Variants in PTPN20 observed in about 807,000 individuals in gnomAD.
PTPN20 encodes the protein protein tyrosine phosphatase non-receptor type 20, also known as tyrosine-protein phosphatase non-receptor type 20.
Under a neutral mutation model 35.0 loss-of-function variants are expected in PTPN20, and 9 were observed. The observed-to-expected ratio is 0.26, with a 90% CI of 0.15 to 0.45. The LOEUF (loss-of-function observed/expected upper bound fraction) is 0.45. PTPN20 is among the 20% of genes least tolerant of loss of function. The probability of loss-of-function intolerance (pLI) is 1.00; values close to 1 mark genes in which losing one functional copy is unlikely to be tolerated. For missense variants in PTPN20, 111 were observed against 312.5 expected (o/e 0.36, Z 4.86); for synonymous variants, 32 against 100.2 (o/e 0.32, Z 4.06).
Position 47,001,100 on chromosome 10 carries a change from T to G in PTPN20, c.*359T>G. 1 of 293,716 alleles carries G rather than the reference T, an allele frequency of 3.4e-6. No homozygotes were observed. The highest frequency in any genetic ancestry group is 6.4e-6 in the Non-Finnish European group (1 of 155,328). The allele number at this position is 293,716 out of a possible 1,614,324, so 18.2% of individuals were successfully genotyped here. ...ATTTGGAAAGGTGGCTGGAGAGAGCTGAGGATTTCCAGGACTTTGTAAGTT... is the reference window on the plus strand; with the variant it reads ...ATTTGGAAAGGTGGCTGGAGAGAGCGGAGGATTTCCAGGACTTTGTAAGTT... On this transcript the variant is annotated 3_prime_UTR_variant, in exon 11 of 11. Transcript: ENST00000374339.
At chr10:46,993,036 C>G (rs1417282432) in intron 9 of PTPN20, among the ~76,000 whole-genome samples, 4 of 152,176 alleles carry the variant, frequency 2.6e-5, no homozygotes, top group Admixed American at 1.3e-4. Context: ...GATTCTGGCA[C>G]TGGATTTCAC....
chr10:46,931,538 GGT>G lies in PTPN20; in HGVS notation c.-123-833_-123-832del, dbSNP rs1555118911. ...AGCTTTTCAAGTAGCTGGGACCACAGGTGTGTGCCACCACACCCGTCTAATTT... is the reference window on the plus strand; with the variant it reads ...AGCTTTTCAAGTAGCTGGGACCACAGGTGTGCCACCACACCCGTCTAATTT... On this transcript the variant is annotated intron_variant, in intron 1 of 10. Coordinates refer to ENST00000374339, the MANE Select transcript of PTPN20 (RefSeq NM_001042357.5). Among the ~76,000 whole-genome samples the G allele has an allele frequency of 1.8e-4, 25 of 141,626 alleles. 2 individuals are homozygous for G. The highest frequency in any genetic ancestry group is 3.3e-4 in the Non-Finnish European group (22 of 66,982). The allele number at this position is 141,626 out of a possible 152,430, so 92.9% of individuals were successfully genotyped here. A position where few individuals can be genotyped will look rare whatever the true frequency, so the allele number is the denominator to read the frequency against.
chr10:46,945,418 A>T (rs1178188903), intron 4 of PTPN20, among the ~76,000 whole-genome samples: 13 of 152,146 alleles, frequency 8.5e-5, no homozygotes, highest in Non-Finnish European at 1.6e-4. Context: ...AAGAGTAAGA[A>T]ACCCGAATTT....
At chr10:46,953,335 T>TTTTCTTTC (rs201614690) in intron 5 of PTPN20, among the ~76,000 whole-genome samples, 13,445 of 113,010 alleles carry the variant, frequency 0.12, 560 homozygotes, top group East Asian at 0.21. Context: ...CTTTCATTTC[T>TTTTCTTTC]TTTCTTTCTT....
intron 7 of PTPN20, among the ~76,000 whole-genome samples, chr10:46,979,044 A>G (rs1331531218): frequency 1.6e-4 from 25 of 152,034 alleles, no homozygotes; most frequent in Middle Eastern, 3.2e-3. Flanking sequence ...CAGTTTACAC[A>G]CAGAGAACAC....
chr10:47,001,896 CTAT>C lies in PTPN20; in HGVS notation c.*1156_*1158del, dbSNP rs2060069502. The C allele has an allele frequency of 6.6e-6, 1 of 152,042 alleles. No homozygotes were observed. The highest frequency in any genetic ancestry group is 2.4e-5 in the African/African-American group (1 of 41,424). 9.4% of individuals were successfully genotyped at this position (152,042 alleles called of 1,614,324 possible). ...TTGGACAAGGAGTTCTGGTGACAAG[CTAT>C]ACCTAATTATAAGCTATAAAACAAT... On this transcript the variant is annotated 3_prime_UTR_variant, in exon 11 of 11. Transcript: ENST00000374339.
In PTPN20 at chr10:46,996,742, C is replaced by T. The variant is rs2059161066; in HGVS notation, c.1135-3170C>T. ...ATCATTTATTGAAAATTCTGTTATT[C>T]CTCTATTGAATTATTGTTGTACCTT... On this transcript the variant is annotated intron_variant, in intron 9 of 10. Transcript: ENST00000374339. 2.0e-5 allele frequency among the ~76,000 whole-genome samples: 3 copies of T among 152,084 alleles called. No homozygotes were observed. The South Asian group carries it at 6.2e-4, about 32-fold the overall frequency.
At chr10:46,935,964 T>G (rs2041482940) in intron 2 of PTPN20, among the ~76,000 whole-genome samples, 1 of 151,048 alleles carries the variant, frequency 6.6e-6, no homozygotes, top group Non-Finnish European at 1.5e-5. Flanking sequence ...AACATTTTTT[T>G]TTTAATTTTT....
rs782385388 is a variant in PTPN20, at chr10:46,999,993, CATAATA to C, written c.1197+24_1197+29del. ...AACGAAGGTAAGCTTTCACCACATA[CATAATA>C]ATAAGAATAATGAATATAAAGATTA... On this transcript the variant is annotated intron_variant, in intron 10 of 10. Transcript: ENST00000374339. The C allele has an allele frequency of 8.1e-6, 13 of 1,613,416 alleles. No individual in the cohort carries two copies. In the East Asian group the frequency reaches 2.9e-4, roughly 36 times the overall value.
intron 9 of PTPN20, among the ~76,000 whole-genome samples, chr10:46,998,810 A>G (rs1041029416): frequency 8.2e-5 from 12 of 146,270 alleles, no homozygotes; most frequent in Non-Finnish European, 1.3e-4. Flanking sequence ...AACTTCCTGT[A>G]TATCTGTATT....
intron 9 of PTPN20, among the ~76,000 whole-genome samples, chr10:46,995,333 C>CTTT (rs878968027): frequency 8.4e-4 from 72 of 85,668 alleles, no homozygotes; most frequent in Non-Finnish European, 9.8e-4. Context: ...TTTTTTTTTT[C>CTTT]TTTTTTTTTT....
intron 9 of PTPN20, among the ~76,000 whole-genome samples, chr10:46,995,822 GC>G (rs1344457011): frequency 6.6e-6 from 1 of 152,136 alleles, no homozygotes. Flanking sequence ...TTGGTGCTGG[GC>G]AAATTGGAGA....
intron 7 of PTPN20, among the ~76,000 whole-genome samples, chr10:46,968,729 A>G (rs1336448877): frequency 6.7e-6 from 1 of 150,346 alleles, no homozygotes; most frequent in Non-Finnish European, 1.5e-5. Flanking sequence ...TACTTCCTCC[A>G]ACTTGACCCT....
chr10:46,992,353 C>T (rs1398931533), intron 9 of PTPN20, among the ~76,000 whole-genome samples: 2 of 151,960 alleles, frequency 1.3e-5, no homozygotes, highest in Non-Finnish European at 2.9e-5. Flanking sequence ...AAACTCCTGG[C>T]CCCAAGAGAT....
rs1311507766 is a variant in PTPN20 at position 46,954,370 on chromosome 10, A to T, written c.340+7695A>T. The stretch of plus-strand genomic sequence containing the variant: ...ACTTAATCACCTCTTTATAAACCCT[A>T]TCTCCAAATACGGCCACATATGGGC... On this transcript the variant is annotated intron_variant, in intron 5 of 10. Coordinates refer to ENST00000374339, the MANE Select transcript of PTPN20 (RefSeq NM_001042357.5). Among the ~76,000 whole-genome samples the T allele has an allele frequency of 1.3e-5, 2 of 148,332 alleles. 1 individual carries two copies. Among genetic ancestry groups the T allele is most frequent in the African/African-American group, 5.1e-5 (2 of 38,848 alleles).
At chr10:46,997,634 G>T (rs1486396221) in intron 9 of PTPN20, among the ~76,000 whole-genome samples, 1 of 149,178 alleles carries the variant, frequency 6.7e-6, no homozygotes, top group African/African-American at 2.5e-5. Flanking sequence ...AAAAAAACAA[G>T]CTAGAGAGTA....
rs1198762084 is a variant in PTPN20 at position 46,944,768 on chromosome 10, T to G, written c.227+753T>G. Among the ~76,000 whole-genome samples, 5 of 123,436 alleles carry G rather than the reference T, an allele frequency of 4.1e-5. 1 individual carries two copies. Among genetic ancestry groups the G allele is most frequent in the Admixed American group, 3.8e-4 (5 of 13,162 alleles). The allele number at this position is 123,436 out of a possible 152,430, so 81.0% of individuals were successfully genotyped here. A position where few individuals can be genotyped will look rare whatever the true frequency, so the allele number is the denominator to read the frequency against. ...ATTCTGTGATACACTAAGCACTGTA[T>G]ACAAATACAAACTACTATATATTTT... On this transcript the variant is annotated intron_variant, in intron 4 of 10. Coordinates refer to ENST00000374339, the MANE Select transcript of PTPN20 (RefSeq NM_001042357.5).
chr10:47,002,474 G>C (rs1305529537), downstream of PTPN20: 1 of 151,940 alleles, frequency 6.6e-6, no homozygotes, highest in African/African-American at 2.4e-5. Context: ...AATTAAAGGA[G>C]TGAATATGGA....
At chr10:46,924,048 C>T (rs2036336185) in intron 1 of PTPN20, among the ~76,000 whole-genome samples, 1 of 151,470 alleles carries the variant, frequency 6.6e-6, no homozygotes, top group Non-Finnish European at 1.5e-5. Context: ...TTGTATTCTG[C>T]AACCTTGCTG....
Sources: gnomAD v4.1 joint callset for allele counts (sites outside exome capture counted in the v4.1 genomes callset) on GRCh38, gnomAD v4.1.1 for gene constraint, MANE v1.5 for transcripts, NCBI Gene and HGNC (gene_info 2026-07-23, HGNC 2026-07-21) for gene names.